MICAL2: variants seen among roughly 807,000 people sequenced by gnomAD.
MICAL2 encodes the protein microtubule associated monooxygenase, calponin and LIM domain containing 2.
In MICAL2, 77 loss-of-function variants were observed where a neutral mutation model predicts 127.3. The ratio of observed to expected loss-of-function variants is 0.60; its 90% CI spans 0.50 to 0.73. MICAL2 has a LOEUF of 0.73. MICAL2 is among the 30% of genes least tolerant of loss of function. The pLI is 0.00. For missense variants in MICAL2, 1,351 were observed against 1,434.4 expected (o/e 0.94, Z 0.94); for synonymous variants, 570 against 551.1 (o/e 1.03, Z -0.48).
intron 2 of MICAL2, among the ~76,000 whole-genome samples, chr11:12,142,218 T>C (rs1215850630): frequency 6.6e-6 from 1 of 152,228 alleles, no homozygotes; most frequent in East Asian, 1.9e-4. Context: ...CCTCATTGTT[T>C]ATCAAGGCCT....
intron 29 of MICAL2, among the ~76,000 whole-genome samples, chr11:12,297,586 A>G (rs1245205634): frequency 6.6e-6 from 1 of 152,128 alleles, no homozygotes; most frequent in Non-Finnish European, 1.5e-5. Flanking sequence ...GTAGTTAGAA[A>G]GAGCTTCTTC....
chr11:12,330,092 A>C (rs990711214), intron 32 of MICAL2, among the ~76,000 whole-genome samples: 2 of 152,186 alleles, frequency 1.3e-5, no homozygotes, highest in Admixed American at 1.3e-4. Flanking sequence ...CTGGAGACTA[A>C]AAGAGTCAAG....
intron 23 of MICAL2, 46 bp downstream of exon 23, chr11:12,255,796 G>T (rs1380690368): frequency 1.3e-6 from 2 of 1,502,718 alleles, no homozygotes; most frequent in East Asian, 4.8e-5. Context: ...ACTGGCTCTG[G>T]CATCCCAGGG....
intron 23 of MICAL2, 147 bp downstream of exon 23, chr11:12,255,897 G>A (rs1043358940): frequency 4.9e-6 from 3 of 612,302 alleles, no homozygotes; most frequent in Non-Finnish European, 8.6e-6. Context: ...GCTGAATCAG[G>A]GCAGAAGTTA....
chr11:12,354,881 G>A, intron 34 of MICAL2: 1 of 1,607,796 alleles, frequency 6.2e-7, no homozygotes, highest in East Asian at 2.2e-5. Context: ...GGCCTTTGTT[G>A]AGAACTTCCC....
chr11:12,231,324 T>C (rs1018239377), intron 15 of MICAL2, among the ~76,000 whole-genome samples: 1 of 152,204 alleles, frequency 6.6e-6, no homozygotes, highest in Non-Finnish European at 1.5e-5. Flanking sequence ...TAGCCCCAGG[T>C]TTGATCCTGC....
intron 15 of MICAL2, among the ~76,000 whole-genome samples, chr11:12,229,763 G>A (rs972196561): frequency 1.3e-5 from 2 of 152,242 alleles, no homozygotes; most frequent in African/African-American, 2.4e-5. Flanking sequence ...CTCTGGCTCT[G>A]CTAGAAAATG....
chr11:12,330,471 C>T (rs1335846686), intron 32 of MICAL2, among the ~76,000 whole-genome samples: 1 of 152,080 alleles, frequency 6.6e-6, no homozygotes, highest in African/African-American at 2.4e-5. Context: ...TTATGCAAGG[C>T]TCCTCTGATA....
intron 8 of MICAL2, among the ~76,000 whole-genome samples, chr11:12,218,128 G>C (rs531047355): frequency 6.6e-6 from 1 of 152,202 alleles, no homozygotes; most frequent in Non-Finnish European, 1.5e-5. Flanking sequence ...ATTGATTCCA[G>C]CTGATCTCTG....
chr11:12,242,397 T>G lies in MICAL2; in HGVS notation c.2521T>G (p.Trp841Gly). ...GGCGCAGGCTCTTTCCGGGGTGCTG[T>G]GGCGGCTGCAGCAAGTGGAGGAAAA... Reference protein sequence around the residue: ...PRAQALSGVLWRLQQVEEKIL... With the variant: ...PRAQALSGVLGRLQQVEEKIL... The change falls in exon 19 of 28, where the codon TGG (tryptophan) becomes GGG (glycine). Residue 841 changes from tryptophan (W) to glycine (G), a missense_variant. By Grantham distance (184) the Trp-to-Gly change is radical. Around this residue, in one of 2 missense-constraint regions of MICAL2, gnomAD observed 752 missense variants for 719.4 expected, o/e 1.05. Transcript: ENST00000683283. 6.2e-7 allele frequency: 1 copy of G among 1,610,648 alleles called. No individual in the cohort carries two copies. Among genetic ancestry groups the G allele is most frequent in the Non-Finnish European group, 8.5e-7 (1 of 1,177,528 alleles).
chr11:12,181,527 G>T (rs1857479898), intron 3 of MICAL2, among the ~76,000 whole-genome samples: 1 of 152,152 alleles, frequency 6.6e-6, no homozygotes, highest in South Asian at 2.1e-4. Context: ...AAGTAAAATG[G>T]TTTTTTTAAC....
At chr11:12,191,779 G>GA (rs1274777015) in intron 3 of MICAL2, among the ~76,000 whole-genome samples, 1 of 120,956 alleles carries the variant, frequency 8.3e-6, no homozygotes, top group Non-Finnish European at 1.8e-5. Flanking sequence ...AAAAGAAAAA[G>GA]AAAAAAAGAG....
intron 3 of MICAL2, among the ~76,000 whole-genome samples, chr11:12,175,585 C>CTGTGTGTGTGTG (rs71313462): frequency 5.2e-3 from 777 of 149,872 alleles, no homozygotes; most frequent in Non-Finnish European, 5.0e-3. Context: ...TGTGGGGAGT[C>CTGTGTGTGTGTG]TGTGTGTGTG....
chr11:12,162,326 G>A lies in MICAL2; in HGVS notation c.171G>A (p.Val57=), dbSNP rs1329175855. The part of the protein sequence containing the change: ...RNFYSKLKSK[V]TTWKAKALWY... ...TTTATTCCAAGCTCAAGTCCAAGGT[G>A]ACCACCTGGAAAGCCAAAGCCCTGT... is the stretch of plus-strand genomic sequence containing the variant. The change falls in exon 3 of 28, where the codon GTG becomes GTA. Residue 57 remains valine, a synonymous_variant. Coordinates refer to ENST00000683283, the MANE Select transcript of MICAL2 (RefSeq NM_001282663.2). The A allele has an allele frequency of 2.5e-6, 4 of 1,614,110 alleles. No individual in the cohort carries two copies. In the Admixed American group the frequency reaches 5.0e-5, roughly 20 times the overall value.
intron 6 of MICAL2, 126 bp downstream of exon 6, chr11:12,209,724 C>A (rs61875258): frequency 3.1e-4 from 250 of 809,930 alleles, no homozygotes; most frequent in Non-Finnish European, 3.9e-4. Context: ...GATAGGAGGG[C>A]AGACCATCCT....
rs1409354170 is a variant in MICAL2 at position 12,209,540 on chromosome 11, G to A, written c.633G>A (p.Leu211=). 1.9e-6 allele frequency: 3 copies of A among 1,614,050 alleles called. No homozygotes were observed. Among genetic ancestry groups the A allele is most frequent in the Admixed American group, 1.7e-5 (1 of 59,992 alleles). ...RAEFLPTDHS[L]SEFEFDVIIG... Reference sequence around the variant, plus strand: ...AATTTCTCCCTACAGACCATTCTCTGTCGGAGTTTGAGTTTGACGTCATCA... The same window carrying A: ...AATTTCTCCCTACAGACCATTCTCTATCGGAGTTTGAGTTTGACGTCATCA... The change falls in exon 6 of 28, where the codon CTG becomes CTA. Residue 211 remains leucine, a synonymous_variant. Coordinates refer to ENST00000683283, the MANE Select transcript of MICAL2 (RefSeq NM_001282663.2).
intron 29 of MICAL2, among the ~76,000 whole-genome samples, chr11:12,310,618 G>T (rs1864162691): frequency 6.6e-6 from 1 of 151,860 alleles, no homozygotes; most frequent in African/African-American, 2.4e-5. Context: ...ATGCCTCCAG[G>T]TTTGTTCTTT....
downstream of MICAL2, among the ~76,000 whole-genome samples, chr11:12,293,332 C>T (rs1590724665): frequency 1.3e-5 from 2 of 152,242 alleles, no homozygotes; most frequent in South Asian, 2.1e-4. Flanking sequence ...AAAAGCCTTT[C>T]GTCAGTACTG....
chr11:12,332,471 G>A (rs564934433), intron 32 of MICAL2, among the ~76,000 whole-genome samples: 31 of 152,334 alleles, frequency 2.0e-4, no homozygotes, highest in African/African-American at 7.0e-4. Context: ...ATGGTCAGGA[G>A]TAATAAGACT....
Sources: allele counts gnomAD v4.1 joint callset (sites outside exome capture counted in the v4.1 genomes callset), GRCh38; gene constraint gnomAD v4.1.1; regional missense constraint gnomAD v4.1.1; transcripts MANE v1.5; gene names NCBI Gene and HGNC (gene_info 2026-07-23, HGNC 2026-07-21).